PCSK5: variants seen among roughly 807,000 people sequenced by gnomAD.
The protein encoded by PCSK5 is proprotein convertase subtilisin/kexin type 5.
In PCSK5, 129 loss-of-function variants were observed where a neutral mutation model predicts 233.2. The observed-to-expected ratio is 0.55, with a 90% CI of 0.48 to 0.64. The LOEUF (loss-of-function observed/expected upper bound fraction) is 0.64, where lower values mean the gene tolerates loss of function less well. Among genes scored for constraint, PCSK5 ranks in the 30% least tolerant of loss-of-function variants. The pLI, the probability that PCSK5 is intolerant of heterozygous loss-of-function variation, is 0.00. For synonymous variants in PCSK5, 825 were observed against 879.2 expected, an observed-to-expected ratio of 0.94 and a Z score of 1.09; for missense variants, 2,076 against 2,430.1, an observed-to-expected ratio of 0.85 and a Z score of 3.06.
At chr9:76,057,043 A>G (rs1393642130) in intron 5 of PCSK5, among the ~76,000 whole-genome samples, 1 of 152,074 alleles carries the variant, frequency 6.6e-6, no homozygotes, top group Non-Finnish European at 1.5e-5. Context: ...AGGTACATGT[A>G]TGTTAGAGTG....
intron 20 of PCSK5, among the ~76,000 whole-genome samples, chr9:76,210,988 G>A (rs1825309394): frequency 6.6e-6 from 1 of 152,172 alleles, no homozygotes; most frequent in African/African-American, 2.4e-5. Context: ...TGGAAGCACA[G>A]GAGGGGTATC....
intron 35 of PCSK5, among the ~76,000 whole-genome samples, chr9:76,349,547 A>G (rs1830066108): frequency 6.6e-6 from 1 of 152,208 alleles, no homozygotes; most frequent in Middle Eastern, 3.2e-3. Context: ...TTTCCACAGA[A>G]ACATTATAAG....
Position 75,893,364 on chromosome 9 carries a change from T to A in PCSK5, c.192+1991T>A, listed in dbSNP as rs188106293. ...CCCAGTCCCCCATGGATCCTGCCTT[T>A]TAGGGAACCCTTCCATGCCATGATG... On this transcript the variant is annotated intron_variant, in intron 1 of 37. Coordinates refer to ENST00000674117, the MANE Select transcript of PCSK5 (RefSeq NM_001372043.1). Among the ~76,000 whole-genome samples the A allele has an allele frequency of 6.6e-5, 10 of 152,248 alleles. No individual in the cohort carries two copies. In the East Asian group the frequency reaches 1.9e-3, roughly 29 times the overall value.
chr9:75,963,873 C>T (rs542432879), intron 2 of PCSK5, among the ~76,000 whole-genome samples: 5 of 151,922 alleles, frequency 3.3e-5, no homozygotes, highest in East Asian at 1.9e-4. Context: ...AGCGAGACTT[C>T]GTCTCAAAAA....
rs529945736 is a variant in PCSK5 at position 75,933,721 on chromosome 9, C to T, written c.297+1238C>T. On this transcript the variant is annotated intron_variant, in intron 2 of 37. Coordinates refer to ENST00000674117, the MANE Select transcript of PCSK5 (RefSeq NM_001372043.1). ...ATAGGAATATCCCCTAATACATTTT[C>T]ATGGTCTGTGGATTACACATTTTTT... 3.1e-3 allele frequency among the ~76,000 whole-genome samples: 476 copies of T among 152,306 alleles called. 2 individuals carry two copies. Among genetic ancestry groups the T allele is most frequent in the Non-Finnish European group, 5.0e-3 (343 of 68,018 alleles).
intron 2 of PCSK5, among the ~76,000 whole-genome samples, chr9:75,980,769 T>C (rs1367257950): frequency 6.6e-6 from 1 of 150,572 alleles, no homozygotes; most frequent in African/African-American, 2.4e-5. Context: ...TTCTCACCAG[T>C]TAGCTTTGAT....
chr9:76,162,286 T>C (rs1410208019), intron 12 of PCSK5, among the ~76,000 whole-genome samples: 2 of 152,204 alleles, frequency 1.3e-5, no homozygotes, highest in Non-Finnish European at 2.9e-5. Context: ...CAGTTTCTTT[T>C]GGCACTCTAT....
At chr9:76,173,124 T>C (rs74873468) in intron 13 of PCSK5, among the ~76,000 whole-genome samples, 1,870 of 152,354 alleles carry the variant, frequency 0.012, 18 homozygotes, top group South Asian at 0.034. Context: ...TTTCCTCCTC[T>C]ATATATTGGG....
At chr9:76,312,325 C>G (rs927986881) in intron 30 of PCSK5, among the ~76,000 whole-genome samples, 2 of 152,100 alleles carry the variant, frequency 1.3e-5, no homozygotes, top group African/African-American at 4.8e-5. Context: ...GCCTGACCAA[C>G]ATGGAGAAAC....
chr9:76,345,068 C>T (rs1028231678), intron 35 of PCSK5, among the ~76,000 whole-genome samples: 2 of 152,176 alleles, frequency 1.3e-5, no homozygotes, highest in Admixed American at 1.3e-4. Flanking sequence ...GTATAAATAA[C>T]TGTCACCCAA....
chr9:76,179,535 G>A (rs1823755067), intron 14 of PCSK5, 61 bp from the exon 15 acceptor site: 1 of 1,208,888 alleles, frequency 8.3e-7, no homozygotes, highest in African/African-American at 1.5e-5. Flanking sequence ...CCAAATTCAA[G>A]GTAAAGCTGA....
intron 10 of PCSK5, among the ~76,000 whole-genome samples, chr9:76,145,756 A>G (rs1024223427): frequency 1.3e-5 from 2 of 152,200 alleles, no homozygotes; most frequent in Non-Finnish European, 2.9e-5. Flanking sequence ...ACAAGATGAA[A>G]GGGGGCTTAT....
At chr9:76,063,952 C>A (rs1458486087) in intron 5 of PCSK5, among the ~76,000 whole-genome samples, 1 of 73,150 alleles carries the variant, frequency 1.4e-5, no homozygotes, top group Admixed American at 1.2e-4. Context: ...CCTGGCCGGG[C>A]GGAGGGCTGA....
chr9:76,279,001 C>T (rs10869744), intron 24 of PCSK5, among the ~76,000 whole-genome samples: 56,787 of 150,256 alleles, frequency 0.38, 12,566 homozygotes, highest in East Asian at 0.69. Flanking sequence ...CATGCTGGTG[C>T]GCTGCACCCA....
rs528823186 is a variant in PCSK5 at position 76,174,512 on chromosome 9, G to T, written c.1757-474G>T. Among the ~76,000 whole-genome samples, 3 of 151,846 alleles carry T rather than the reference G, an allele frequency of 2.0e-5. No homozygotes were observed. The East Asian group carries it at 5.9e-4, about 30-fold the overall frequency. Reference sequence around the variant, plus strand: ...TTTTTAGTAGAGACGGAGTTTCACCGTGTTAGCCAGGGTGGTCTCAATCTC... The same window carrying T: ...TTTTTAGTAGAGACGGAGTTTCACCTTGTTAGCCAGGGTGGTCTCAATCTC... On this transcript the variant is annotated intron_variant, in intron 13 of 37. Transcript: ENST00000674117.
chr9:76,081,502 A>AATAC (rs1352228043), intron 7 of PCSK5, among the ~76,000 whole-genome samples: 1 of 152,016 alleles, frequency 6.6e-6, no homozygotes, highest in African/African-American at 2.4e-5. Context: ...TAAATAAATA[A>AATAC]ATACATAAAA....
intron 15 of PCSK5, 63 bp from the exon 16 acceptor site, chr9:76,181,335 A>G: frequency 7.1e-7 from 1 of 1,402,070 alleles, no homozygotes; most frequent in Admixed American, 2.0e-5. Flanking sequence ...AGCACCTCCA[A>G]GAGAATGCTG....
chr9:75,890,762 G>A lies in PCSK5; in HGVS notation c.-420G>A, dbSNP rs549537231. The A allele has an allele frequency of 7.4e-4, 122 of 165,854 alleles. 1 individual carries two copies. Among genetic ancestry groups the A allele is most frequent in the South Asian group, 6.6e-3 (33 of 4,974 alleles). The allele number at this position is 165,854 out of a possible 1,614,324, so 10.3% of individuals were successfully genotyped here. On this transcript the variant is annotated 5_prime_UTR_variant, in exon 1 of 38. Transcript: ENST00000674117. ...TTTGGAGCCCGGGCCAGCAGAGGGG[G>A]CGCCCGGTCGCTGCCTGTACCGCTC...
chr9:75,901,549 G>A (rs1007278950), intron 1 of PCSK5, among the ~76,000 whole-genome samples: 4 of 151,210 alleles, frequency 2.6e-5, no homozygotes, highest in African/African-American at 4.9e-5. Context: ...ATGACGGGTT[G>A]ATGGGTGCAG....
Sources: allele counts gnomAD v4.1 joint callset (sites outside exome capture counted in the v4.1 genomes callset), GRCh38; gene constraint gnomAD v4.1.1; transcripts MANE v1.5; gene names NCBI Gene and HGNC (gene_info 2026-07-23, HGNC 2026-07-21).